The following SNX25 variants were observed in gnomAD, a reference collection of about 807,000 sequenced individuals.
SNX25 encodes sorting nexin-25.
A neutral mutation model predicts 113.7 loss-of-function variants in SNX25; 62 were observed. The observed-to-expected ratio is 0.55, with a 90% CI of 0.44 to 0.67. The LOEUF is 0.67. SNX25 is among the 30% of genes least tolerant of loss of function. The pLI, the probability that SNX25 is intolerant of heterozygous loss-of-function variation, is 0.00. For missense variants in SNX25, 1,014 were observed against 1,161.0 expected (o/e 0.87, Z 1.84); for synonymous variants, 421 against 436.2 (o/e 0.97, Z 0.43).
intron 5 of SNX25, among the ~76,000 whole-genome samples, chr4:185,268,910 T>C: frequency 6.6e-6 from 1 of 152,174 alleles, no homozygotes; most frequent in African/African-American, 2.4e-5. Flanking sequence ...TCAATGTAAA[T>C]GGATTTGTTT....
intron 1 of SNX25, among the ~76,000 whole-genome samples, chr4:185,224,759 A>G (rs1427203610): frequency 2.0e-5 from 3 of 151,626 alleles, no homozygotes; most frequent in Admixed American, 6.6e-5. Flanking sequence ...AGCCTGTGTT[A>G]TCCCATCTTT....
chr4:185,330,158 G>A (rs2095184091), intron 9 of SNX25, among the ~76,000 whole-genome samples: 1 of 152,160 alleles, frequency 6.6e-6, no homozygotes, highest in East Asian at 1.9e-4. Flanking sequence ...AGTATTTATT[G>A]GTTTTAGGGT....
intron 1 of SNX25, among the ~76,000 whole-genome samples, chr4:185,214,583 A>G (rs1301450051): frequency 1.3e-5 from 2 of 152,110 alleles, no homozygotes; most frequent in Non-Finnish European, 2.9e-5. Context: ...TTAAAAAAAT[A>G]AAAATAAAAA....
intron 8 of SNX25, among the ~76,000 whole-genome samples, chr4:185,322,270 A>G (rs2095126150): frequency 6.6e-6 from 1 of 152,186 alleles, no homozygotes; most frequent in African/African-American, 2.4e-5. Flanking sequence ...GTCTCTACTA[A>G]AAATACAAAA....
intron 5 of SNX25, among the ~76,000 whole-genome samples, chr4:185,272,092 T>A (rs1749011533): frequency 6.6e-6 from 1 of 152,162 alleles, no homozygotes; most frequent in Non-Finnish European, 1.5e-5. Context: ...TATACTGGTG[T>A]GATATTTTGA....
intron 4 of SNX25, among the ~76,000 whole-genome samples, chr4:185,265,756 A>G (rs1357297107): frequency 6.6e-6 from 1 of 152,078 alleles, no homozygotes; most frequent in East Asian, 1.9e-4. Flanking sequence ...TGCACTGTAC[A>G]TAATTGTATG....
rs758092952 is a variant in SNX25 at position 185,277,720 on chromosome 4, CTTTTTT to C, written c.1092-10267_1092-10262del. Among the ~76,000 whole-genome samples, 2 of 63,504 alleles carry C rather than the reference CTTTTTT, an allele frequency of 3.1e-5. 1 individual carries two copies. The highest frequency in any genetic ancestry group is 1.2e-4 in the African/African-American group (2 of 17,020). 41.7% of individuals were successfully genotyped at this position (63,504 alleles called of 152,430 possible). On this transcript the variant is annotated intron_variant, in intron 5 of 18. Coordinates refer to ENST00000652585, the MANE Select transcript of SNX25 (RefSeq NM_001378034.2). The stretch of plus-strand genomic sequence containing the variant: ...ATGATGAGTTTTGAGTACTTATTAC[CTTTTTT>C]TTTTTTTTTTTTTTTTTTTTTTTTG...
In SNX25 at chr4:185,288,047, C is replaced by T; in HGVS notation, c.1127C>T (p.Thr376Ile). ...GTAGTGGAAATAATCCAGGCGACTA[C>T]AATTAGCAGCTTTCCCCAACTGAAG... ...QIVVEIIQAT[T>I]ISSFPQLKRH... The change falls in exon 6 of 19, where the codon ACA (threonine) becomes ATA (isoleucine). Residue 376 changes from threonine (T) to isoleucine (I), a missense_variant. Coordinates refer to ENST00000652585, the MANE Select transcript of SNX25 (RefSeq NM_001378034.2). 1 of 1,613,544 alleles carries T rather than the reference C, an allele frequency of 6.2e-7. No homozygotes were observed. Among genetic ancestry groups the T allele is most frequent in the Non-Finnish European group, 8.5e-7 (1 of 1,179,736 alleles).
At chr4:185,254,734 C>G (rs143945153) in intron 2 of SNX25, among the ~76,000 whole-genome samples, 1 of 152,200 alleles carries the variant, frequency 6.6e-6, no homozygotes. Flanking sequence ...CATTCTCTCT[C>G]ATCTCCAGTG....
intron 4 of SNX25, 43 bp downstream of exon 4, chr4:185,264,653 A>G (rs1245695859): frequency 3.1e-6 from 5 of 1,587,350 alleles, no homozygotes; most frequent in Non-Finnish European, 4.3e-6. Flanking sequence ...TAAGTGTGCA[A>G]ACTAATGTGC....
At chr4:185,325,886 G>A (rs1235915190) in intron 9 of SNX25, among the ~76,000 whole-genome samples, 1 of 152,122 alleles carries the variant, frequency 6.6e-6, no homozygotes, top group Non-Finnish European at 1.5e-5. Context: ...GTTTTCCAAG[G>A]GCTTTATTGG....
In SNX25 at chr4:185,210,515, C is replaced by T. The variant is rs1280762615; in HGVS notation, c.429+260C>T. Among the ~76,000 whole-genome samples the T allele has an allele frequency of 2.0e-5, 3 of 152,194 alleles. No homozygotes were observed. The highest frequency in any genetic ancestry group is 7.2e-5 in the African/African-American group (3 of 41,468). On this transcript the variant is annotated intron_variant, in intron 1 of 18. Transcript: ENST00000652585. This position sits in a 1 kb window ranked among gnomAD's most constrained non-coding sequence, Gnocchi z 4.4. The stretch of plus-strand genomic sequence containing the variant: ...TTTACTGGGCTCTGTAGTCACTCGA[C>T]AACCATCCTCAGTCACAACCCTAAG...
At chr4:185,291,991 A>G (rs907716735) in intron 6 of SNX25, among the ~76,000 whole-genome samples, 17 of 152,208 alleles carry the variant, frequency 1.1e-4, no homozygotes, top group Non-Finnish European at 2.2e-4. Flanking sequence ...TGAAAATGCT[A>G]GAAATATCTC....
chr4:185,213,678 A>G (rs1057240953), intron 1 of SNX25, among the ~76,000 whole-genome samples: 2 of 152,194 alleles, frequency 1.3e-5, no homozygotes, highest in African/African-American at 4.8e-5. Context: ...TTTACTAGCC[A>G]CAGTTACTTG....
upstream of SNX25, among the ~76,000 whole-genome samples, chr4:185,207,443 C>G (rs1045591628): frequency 6.6e-6 from 1 of 152,026 alleles, no homozygotes; most frequent in Non-Finnish European, 1.5e-5. Context: ...GTCTCAAACT[C>G]CTGAGCTCAG....
At chr4:185,236,957 A>G (rs1742731034) in intron 1 of SNX25, among the ~76,000 whole-genome samples, 2 of 152,260 alleles carry the variant, frequency 1.3e-5, no homozygotes, top group Admixed American at 6.5e-5. Flanking sequence ...CATCATTATG[A>G]GTCAGTTTAA....
At chr4:185,219,468 A>C (rs1739449991) in intron 1 of SNX25, among the ~76,000 whole-genome samples, 1 of 152,122 alleles carries the variant, frequency 6.6e-6, no homozygotes, top group Non-Finnish European at 1.5e-5. Context: ...CTGAGGCAGG[A>C]GAATCGCTTG....
intron 7 of SNX25, among the ~76,000 whole-genome samples, chr4:185,315,232 AAAAAG>A (rs1561002923): frequency 1.5e-5 from 2 of 132,614 alleles, no homozygotes; most frequent in African/African-American, 5.2e-5. Flanking sequence ...CATCTCAAAA[AAAAAG>A]AAAAGAAAAG....
chr4:185,267,303 C>T (rs1748256951), intron 5 of SNX25, 148 bp downstream of exon 5: 3 of 751,248 alleles, frequency 4.0e-6, no homozygotes, highest in East Asian at 5.5e-5. Flanking sequence ...TAAATTTATC[C>T]AGCGTCTCCT....
Sources: allele counts gnomAD v4.1 joint callset (sites outside exome capture counted in the v4.1 genomes callset), GRCh38; gene constraint gnomAD v4.1.1; non-coding constraint Gnocchi (gnomAD v3.1); transcripts MANE v1.5; gene names NCBI Gene and HGNC (gene_info 2026-07-23, HGNC 2026-07-21).